The following PGR variants were observed in gnomAD, a reference collection of about 807,000 sequenced individuals.
PGR encodes the protein nuclear receptor subfamily 3 group C member 3.
In PGR, 25 loss-of-function variants were observed where a neutral mutation model predicts 76.1. The observed-to-expected ratio is 0.33, with a 90% CI of 0.24 to 0.46. The LOEUF is 0.46. Among genes scored for constraint, PGR ranks in the 20% least tolerant of loss-of-function variants. PGR has a pLI of 1.00. For synonymous variants in PGR, 579 were observed against 535.0 expected (o/e 1.08, Z -1.14); for missense variants, 1,172 against 1,225.3 (o/e 0.96, Z 0.65).
intron 2 of PGR, among the ~76,000 whole-genome samples, chr11:101,115,175 C>A (rs1268838797): frequency 6.6e-6 from 1 of 152,000 alleles, no homozygotes; most frequent in Non-Finnish European, 1.5e-5. Context: ...TCCTTCTGCT[C>A]AGTCTGTAGT....
intron 3 of PGR, among the ~76,000 whole-genome samples, chr11:101,078,203 G>T (rs1019269296): frequency 6.6e-6 from 1 of 152,004 alleles, no homozygotes; most frequent in Admixed American, 6.6e-5. Flanking sequence ...GAGGAGGTAG[G>T]GGGAGAAGGA....
intron 2 of PGR, among the ~76,000 whole-genome samples, chr11:101,123,141 G>T (rs1862731554): frequency 6.6e-6 from 1 of 151,980 alleles, no homozygotes; most frequent in Admixed American, 6.6e-5. Flanking sequence ...AACATCTACA[G>T]GTCTTAGTTT....
chr11:101,080,592 C>T (rs1307262831), intron 3 of PGR, among the ~76,000 whole-genome samples: 1 of 152,078 alleles, frequency 6.6e-6, no homozygotes, highest in African/African-American at 2.4e-5. Flanking sequence ...ATTGCAGTGA[C>T]ATCACTAAGG....
At chr11:101,098,469 G>A (rs867295646) in intron 2 of PGR, among the ~76,000 whole-genome samples, 4 of 152,112 alleles carry the variant, frequency 2.6e-5, no homozygotes, top group African/African-American at 7.2e-5. Flanking sequence ...CACAAGTCAC[G>A]GGCTTGAAGC....
intron 6 of PGR, among the ~76,000 whole-genome samples, chr11:101,045,994 C>T (rs1369680579): frequency 6.6e-6 from 1 of 152,044 alleles, no homozygotes; most frequent in African/African-American, 2.4e-5. Flanking sequence ...TCACAGCTCT[C>T]TTTAAGGTTA....
chr11:101,036,217 T>C lies in PGR; in HGVS notation c.*2899A>G, dbSNP rs143148310. The C allele has an allele frequency of 6.3e-5, 14 of 221,558 alleles. No homozygotes were observed. The highest frequency in any genetic ancestry group is 3.1e-4 in the African/African-American group (14 of 44,858). 13.7% of individuals were successfully genotyped at this position (221,558 alleles called of 1,614,324 possible). A position where few individuals can be genotyped will look rare whatever the true frequency, so the allele number is the denominator to read the frequency against. On this transcript the variant is annotated 3_prime_UTR_variant, in exon 8 of 8. Transcript: ENST00000325455. Reference sequence around the variant, plus strand: ...GCAAAAAAAATATTGTTCATCATATTTCCATATCATCTGTATAGCAATAAA... The same window carrying C: ...GCAAAAAAAATATTGTTCATCATATCTCCATATCATCTGTATAGCAATAAA...
At chr11:101,121,580 G>A (rs1862677847) in intron 2 of PGR, among the ~76,000 whole-genome samples, 1 of 152,114 alleles carries the variant, frequency 6.6e-6, no homozygotes, top group Non-Finnish European at 1.5e-5. Context: ...GTGATGTCTA[G>A]GTCTGAAAAA....
At chr11:101,110,147 C>G (rs1379738745) in intron 2 of PGR, among the ~76,000 whole-genome samples, 1 of 152,210 alleles carries the variant, frequency 6.6e-6, no homozygotes, top group Non-Finnish European at 1.5e-5. Context: ...GCTAACACAA[C>G]ATCTATTCTG....
intron 3 of PGR, 46 bp downstream of exon 3, chr11:101,091,714 G>A (rs935299703): frequency 5.2e-6 from 5 of 964,484 alleles, no homozygotes; most frequent in Non-Finnish European, 8.5e-6. Context: ...CAGTTTTATA[G>A]TATAAAGATT....
intron 2 of PGR, among the ~76,000 whole-genome samples, chr11:101,096,601 G>C (rs1861841640): frequency 1.3e-5 from 2 of 152,158 alleles, no homozygotes; most frequent in Admixed American, 1.3e-4. Flanking sequence ...ATATGCAGGT[G>C]AAGAAAGGTC....
At chr11:101,124,537 G>C (rs1039167886) in intron 2 of PGR, among the ~76,000 whole-genome samples, 1 of 152,126 alleles carries the variant, frequency 6.6e-6, no homozygotes, top group Non-Finnish European at 1.5e-5. Flanking sequence ...GCTGGGGTAG[G>C]ACAAATTGGG....
chr11:101,123,845 T>C (rs1862756142), intron 2 of PGR, among the ~76,000 whole-genome samples: 1 of 152,224 alleles, frequency 6.6e-6, no homozygotes, highest in Admixed American at 6.5e-5. Context: ...ATGTTTTATG[T>C]GCATATGTTA....
chr11:101,082,799 T>C (rs532093194), intron 3 of PGR, among the ~76,000 whole-genome samples: 2 of 152,190 alleles, frequency 1.3e-5, no homozygotes, highest in East Asian at 3.9e-4. Flanking sequence ...GAACTTACAT[T>C]TAAAAGTGAA....
chr11:101,105,935 C>A (rs1462464403), intron 2 of PGR, among the ~76,000 whole-genome samples: 1 of 152,098 alleles, frequency 6.6e-6, no homozygotes, highest in Non-Finnish European at 1.5e-5. Flanking sequence ...CATATACAAC[C>A]ATCTGATCTT....
chr11:101,050,249 G>C (rs1860040710), intron 5 of PGR, among the ~76,000 whole-genome samples, 190 bp from the exon 6 acceptor site: 1 of 151,960 alleles, frequency 6.6e-6, no homozygotes, highest in Non-Finnish European at 1.5e-5. Context: ...TCACAATACT[G>C]AATTTTTGAG....
In PGR at chr11:101,127,888, C is replaced by T. The variant is rs770317902; in HGVS notation, c.1183G>A (p.Glu395Lys). The part of the protein sequence containing the change: ...LKIKEEEEGA[E>K]ASARSPRSYL... ...GAACGCGGGGAGCGCGCGGAGGCCT[C>T]CGCGCCTTCCTCCTCCTCCTTTATC... is the stretch of plus-strand genomic sequence containing the variant. Residue 395 changes from glutamate to lysine, a missense_variant, in exon 1 of 8, where the codon GAG becomes AAG. Around this residue, in one of 4 missense-constraint regions of PGR, gnomAD observed 893 missense variants for 785.9 expected, o/e 1.14. Coordinates refer to ENST00000325455, the MANE Select transcript of PGR (RefSeq NM_000926.4). The T allele has an allele frequency of 5.6e-6, 9 of 1,605,418 alleles. No individual in the cohort carries two copies. The South Asian group carries it at 9.9e-5, about 18-fold the overall frequency.
At chr11:101,072,159 T>G (rs1029187917) in intron 3 of PGR, among the ~76,000 whole-genome samples, 8 of 151,856 alleles carry the variant, frequency 5.3e-5, no homozygotes, top group African/African-American at 1.9e-4. Context: ...CAGAAGAGAG[T>G]GGAGGCCAAT....
intron 2 of PGR, among the ~76,000 whole-genome samples, chr11:101,103,027 T>C (rs1324368810): frequency 2.1e-4 from 32 of 151,804 alleles, no homozygotes; most frequent in East Asian, 3.9e-4. Context: ...ACTGGTCTGA[T>C]GGGAGGTGCA....
chr11:101,051,926 C>T (rs1243277724), intron 4 of PGR, among the ~76,000 whole-genome samples: 1 of 151,982 alleles, frequency 6.6e-6, no homozygotes, highest in Non-Finnish European at 1.5e-5. Context: ...AAAAGCAGCT[C>T]ACAACTCAAC....
Sources: gnomAD v4.1 joint callset for allele counts (sites outside exome capture counted in the v4.1 genomes callset) on GRCh38, gnomAD v4.1.1 for gene constraint, gnomAD v4.1.1 regional missense constraint, MANE v1.5 for transcripts, NCBI Gene and HGNC (gene_info 2026-07-23, HGNC 2026-07-21) for gene names.